The following SYN3 variants were observed in gnomAD, a reference collection of about 807,000 sequenced individuals.
The protein encoded by SYN3 is synapsin-3.
In SYN3, 35 loss-of-function variants were observed where a neutral mutation model predicts 65.8. The observed-to-expected ratio is 0.53, with a 90% CI of 0.41 to 0.70. The LOEUF is 0.70. SYN3 is among the 30% of genes least tolerant of loss of function. SYN3 has a pLI of 0.00. For missense variants in SYN3, 680 were observed against 749.0 expected, an observed-to-expected ratio of 0.91 and a Z score of 1.08; for synonymous variants, 270 against 292.9, an observed-to-expected ratio of 0.92 and a Z score of 0.80.
At chr22:32,976,771 T>C (rs75470047) in intron 3 of SYN3, among the ~76,000 whole-genome samples, 2 of 152,148 alleles carry the variant, frequency 1.3e-5, no homozygotes, top group East Asian at 1.9e-4. Context: ...AAGCAGTTTT[T>C]AGACTGGGGG....
chr22:32,770,241 C>A (rs4821102), intron 6 of SYN3, among the ~76,000 whole-genome samples: 119,180 of 152,050 alleles, frequency 0.78, 47,553 homozygotes, highest in African/African-American at 0.94. Context: ...GGCAAATTCA[C>A]CTCCATATGC....
chr22:33,028,691 A>ATGGTGGTGGTGG (rs1170552905), intron 1 of SYN3, among the ~76,000 whole-genome samples: 5 of 43,154 alleles, frequency 1.2e-4, no homozygotes, highest in East Asian at 5.6e-4. Context: ...GGTGGTGGTG[A>ATGGTGGTGGTGG]TGGTGGTGGT....
chr22:32,734,139 C>T (rs1437056992), intron 6 of SYN3, among the ~76,000 whole-genome samples: 1 of 152,148 alleles, frequency 6.6e-6, no homozygotes, highest in Admixed American at 6.6e-5. Flanking sequence ...CAGAGGCAAT[C>T]CCTCATCTGG....
At position 32,798,277 on chromosome 22, in the gene SYN3, A is replaced by T. The variant is rs535517873; in HGVS notation, c.711+66638T>A. 3.3e-5 allele frequency among the ~76,000 whole-genome samples: 5 copies of T among 152,298 alleles called. 1 individual carries two copies. The South Asian group carries it at 1.0e-3, about 32-fold the overall frequency. On this transcript the variant is annotated intron_variant, in intron 6 of 13. Transcript: ENST00000358763. ...CAAAGACTCAAACGAATCTGTCTAC[A>T]GATCTGAAAAGCAGATACGAGATCT...
intron 4 of SYN3, among the ~76,000 whole-genome samples, chr22:32,902,257 T>A (rs1289488676): frequency 6.6e-6 from 1 of 152,170 alleles, no homozygotes; most frequent in Non-Finnish European, 1.5e-5. Context: ...TATGATGAGC[T>A]TAAAATCCAT....
chr22:32,993,962 T>C (rs1418037465), intron 2 of SYN3, among the ~76,000 whole-genome samples: 1 of 152,174 alleles, frequency 6.6e-6, no homozygotes, highest in Non-Finnish European at 1.5e-5. Context: ...TAGCTCCTGT[T>C]TCCGAGGGTG....
At chr22:32,944,373 G>T (rs1476064243) in intron 3 of SYN3, among the ~76,000 whole-genome samples, 3 of 152,172 alleles carry the variant, frequency 2.0e-5, no homozygotes, top group African/African-American at 7.2e-5. Flanking sequence ...ATCCCTGGTT[G>T]CAAGGCTGGT....
intron 3 of SYN3, among the ~76,000 whole-genome samples, chr22:32,942,594 G>A (rs2050974115): frequency 6.6e-6 from 1 of 152,216 alleles, no homozygotes; most frequent in Admixed American, 6.5e-5. Flanking sequence ...AAGCTGGATG[G>A]AGAATGACTT....
intron 1 of SYN3, among the ~76,000 whole-genome samples, chr22:33,031,220 G>T (rs1397974639): frequency 6.6e-6 from 1 of 152,164 alleles, no homozygotes; most frequent in African/African-American, 2.4e-5. Context: ...AAAGTGAATA[G>T]GTGTCTGAAA....
rs140388763 is a variant in SYN3, at chr22:32,543,166, A to G, written c.775-1453T>C. Among the ~76,000 whole-genome samples the G allele has an allele frequency of 3.5e-3, 529 of 152,070 alleles. 2 individuals are homozygous for G. Among genetic ancestry groups the G allele is most frequent in the African/African-American group, 0.012 (511 of 41,466 alleles). ...CCCTCCCACAAGAATGCCCACTCAC[A>G]TTTCCACCAGCGTTGATGCTTATGC... is the stretch of plus-strand genomic sequence containing the variant. On this transcript the variant is annotated intron_variant, in intron 7 of 13. Coordinates refer to ENST00000358763, the MANE Select transcript of SYN3 (RefSeq NM_003490.4).
At chr22:33,027,860 G>A (rs920264855) in intron 1 of SYN3, among the ~76,000 whole-genome samples, 1 of 152,184 alleles carries the variant, frequency 6.6e-6, no homozygotes, top group African/African-American at 2.4e-5. Flanking sequence ...TTTCATCAGT[G>A]AAGAGACAAA....
At chr22:32,830,974 G>T (rs1178255608) in intron 6 of SYN3, among the ~76,000 whole-genome samples, 1 of 152,286 alleles carries the variant, frequency 6.6e-6, no homozygotes, top group East Asian at 1.9e-4. Context: ...CCCAACCAGG[G>T]GCACAGGGGT....
chr22:32,569,232 T>TTCTATCTA (rs71184592), intron 7 of SYN3, among the ~76,000 whole-genome samples: 1 of 149,130 alleles, frequency 6.7e-6, no homozygotes, highest in African/African-American at 2.5e-5. Flanking sequence ...AATTCTTTCT[T>TTCTATCTA]TCTATCTATC....
At chr22:32,841,762 T>C (rs191307222) in intron 6 of SYN3, among the ~76,000 whole-genome samples, 63 of 152,190 alleles carry the variant, frequency 4.1e-4, no homozygotes, top group Admixed American at 7.8e-4. Flanking sequence ...GATGGGTTGA[T>C]AGGTGCAGCA....
intron 6 of SYN3, among the ~76,000 whole-genome samples, chr22:32,732,157 G>T (rs1229300237): frequency 2.0e-5 from 3 of 152,144 alleles, no homozygotes; most frequent in Non-Finnish European, 2.9e-5. Flanking sequence ...CCTCTGTTTG[G>T]GAAGTATTCC....
chr22:32,646,565 A>G (rs2059986733), intron 6 of SYN3, among the ~76,000 whole-genome samples: 2 of 152,076 alleles, frequency 1.3e-5, no homozygotes, highest in African/African-American at 4.8e-5. Flanking sequence ...GGGGTAATAG[A>G]GGGATAAAGA....
At chr22:32,655,239 T>C (rs1162304993) in intron 6 of SYN3, among the ~76,000 whole-genome samples, 3 of 152,204 alleles carry the variant, frequency 2.0e-5, no homozygotes, top group Admixed American at 1.3e-4. Flanking sequence ...AGTACCCTCT[T>C]TGAGGCAGAG....
chr22:32,959,560 A>G (rs1355128538), intron 3 of SYN3, among the ~76,000 whole-genome samples: 1 of 151,974 alleles, frequency 6.6e-6, no homozygotes, highest in Non-Finnish European at 1.5e-5. Context: ...CAGAAAAAAA[A>G]AAGAATTACT....
chr22:32,594,575 C>T (rs148993425), intron 7 of SYN3, among the ~76,000 whole-genome samples: 2,539 of 152,144 alleles, frequency 0.017, 66 homozygotes, highest in African/African-American at 0.059. Context: ...GCAACCTCCA[C>T]CTCCCAGGTT....
Sources: allele counts gnomAD v4.1 joint callset (sites outside exome capture counted in the v4.1 genomes callset), GRCh38; gene constraint gnomAD v4.1.1; transcripts MANE v1.5; gene names NCBI Gene and HGNC (gene_info 2026-07-23, HGNC 2026-07-21).